KRT7: variants seen among roughly 807,000 people sequenced by gnomAD.
KRT7 encodes keratin, type II cytoskeletal 7.
Under a neutral mutation model 42.8 loss-of-function variants are expected in KRT7, and 50 were observed. The ratio of observed to expected loss-of-function variants is 1.17; its 90% CI spans 0.93 to 1.48. KRT7 has a LOEUF of 1.48. Among genes scored for constraint, KRT7 ranks in the 40% most tolerant of loss-of-function variants. KRT7 has a pLI of 0.00. For synonymous variants in KRT7, 268 were observed against 266.3 expected, an observed-to-expected ratio of 1.01 and a Z score of -0.06; for missense variants, 588 against 637.6, an observed-to-expected ratio of 0.92 and a Z score of 0.84.
Position 52,248,089 on chromosome 12 carries a change from G to T in KRT7, c.1206-88G>T. On this transcript the variant is annotated intron_variant, in intron 7 of 8. Transcript: ENST00000331817. ...GCAAGAAGGAAAAATCAATGATCCT[G>T]CTTGGGGCCTGGAAGGAGAGAGGGC... The T allele has an allele frequency of 3.2e-6, 4 of 1,259,514 alleles. No homozygotes were observed. The South Asian group carries it at 4.8e-5, about 15-fold the overall frequency. The allele number at this position is 1,259,514 out of a possible 1,614,324, so 78.0% of individuals were successfully genotyped here.
chr12:52,255,481 A>T (rs1399774688), downstream of KRT7: 1 of 453,788 alleles, frequency 2.2e-6, no homozygotes, highest in Non-Finnish European at 4.4e-6. Context: ...AGGCAAACAC[A>T]TTCCGGGAAC....
chr12:52,245,335 C>T (rs927920897), intron 6 of KRT7, 77 bp from the exon 7 acceptor site: 18 of 1,471,656 alleles, frequency 1.2e-5, no homozygotes, highest in Middle Eastern at 2.1e-4. Context: ...GCAAGTTGCC[C>T]GGGTGCTCAC....
intron 4 of KRT7, among the ~76,000 whole-genome samples, chr12:52,239,868 T>C (rs1942061122): frequency 6.6e-6 from 1 of 152,170 alleles, no homozygotes; most frequent in South Asian, 2.1e-4. Flanking sequence ...TTCAAGGGGA[T>C]TTAAAAATCT....
chr12:52,245,147 G>A (rs1374712297), intron 6 of KRT7: 1 of 554,920 alleles, frequency 1.8e-6, no homozygotes, highest in East Asian at 3.1e-5. Flanking sequence ...ATCTCCTGAT[G>A]TTCTCTTAGA....
intron 8 of KRT7, 151 bp from the exon 9 acceptor site, chr12:52,248,440 C>T (rs1433114531): frequency 3.4e-6 from 3 of 894,670 alleles, no homozygotes; most frequent in Admixed American, 5.2e-5. Context: ...CAGCCCTACC[C>T]CTGTCAGATG....
intron 8 of KRT7, 141 bp from the exon 9 acceptor site, chr12:52,248,450 G>T: frequency 1.1e-6 from 1 of 941,520 alleles, no homozygotes. Context: ...CCTGTCAGAT[G>T]CTCCTTCTGG....
intron 7 of KRT7, among the ~76,000 whole-genome samples, chr12:52,246,969 C>T (rs1320384874): frequency 6.6e-6 from 1 of 152,162 alleles, no homozygotes; most frequent in Admixed American, 6.5e-5. Context: ...GAGACATCCT[C>T]TTCTGAAAGC....
At chr12:52,249,918 C>T, downstream of KRT7, among the ~76,000 whole-genome samples, 1 of 152,094 alleles carries the variant, frequency 6.6e-6, no homozygotes, top group Non-Finnish European at 1.5e-5. Context: ...ATGGGGTTCC[C>T]ACCCAAGGTG....
chr12:52,234,230 T>C (rs935482938), intron 1 of KRT7, among the ~76,000 whole-genome samples: 3 of 150,968 alleles, frequency 2.0e-5, no homozygotes, highest in Non-Finnish European at 4.4e-5. Flanking sequence ...GACAGCCCAG[T>C]TGGGGGCAGG....
intron 4 of KRT7, 72 bp downstream of exon 4, chr12:52,238,847 C>T (rs1335687877): frequency 1.1e-5 from 11 of 958,786 alleles, no homozygotes; most frequent in Admixed American, 8.9e-5. Context: ...GGTCCAGCCC[C>T]CCGCCTCTGT....
downstream of KRT7, chr12:52,252,107 G>T: frequency 2.0e-6 from 2 of 999,640 alleles, no homozygotes; most frequent in South Asian, 2.7e-5. Flanking sequence ...GAGCAAAGCT[G>T]GTGAAATCTG....
In KRT7 at chr12:52,233,337, C is replaced by T; in HGVS notation, c.41C>T (p.Ser14Leu). The change falls in exon 1 of 9, where the codon TCA becomes TTA. Residue 14 changes from serine to leucine, a missense_variant. Ser to Leu is a moderately radical substitution (Grantham distance 145). Coordinates refer to ENST00000331817, the MANE Select transcript of KRT7 (RefSeq NM_005556.4). ...HFSSPVFTSRSAAFSGRGAQV... is the reference protein window; with the variant it reads ...HFSSPVFTSRLAAFSGRGAQV... ...AGCTCCCCGGTATTCACCTCGCGCT[C>T]AGCCGCCTTCTCGGGCCGCGGCGCC... is the stretch of plus-strand genomic sequence containing the variant. 1 of 1,571,340 alleles carries T rather than the reference C, an allele frequency of 6.4e-7. No individual in the cohort carries two copies. The highest frequency in any genetic ancestry group is 8.6e-7 in the Non-Finnish European group (1 of 1,164,170).
At chr12:52,255,511 C>A, downstream of KRT7, 3 of 441,286 alleles carry the variant, frequency 6.8e-6, no homozygotes, top group Admixed American at 4.9e-5. Context: ...TGGAGGTGGT[C>A]ACAAGAATCA....
intron 5 of KRT7, 56 bp downstream of exon 5, chr12:52,241,692 C>A: frequency 6.8e-7 from 1 of 1,479,118 alleles, no homozygotes; most frequent in Non-Finnish European, 9.2e-7. Context: ...TGGCAGCTTC[C>A]CTTACTCCTC....
At chr12:52,253,425 G>C, downstream of KRT7, 2 of 1,568,198 alleles carry the variant, frequency 1.3e-6, no homozygotes, top group Non-Finnish European at 1.8e-6. Context: ...GTTGTGCAGT[G>C]CTCAGCCTGT....
intron 6 of KRT7, 93 bp downstream of exon 6, chr12:52,243,230 AT>A: frequency 6.9e-7 from 1 of 1,439,634 alleles, no homozygotes; most frequent in Non-Finnish European, 9.3e-7. Context: ...GGAGGTTCCC[AT>A]CTCCCGGCCA....
chr12:52,241,428 T>C, intron 4 of KRT7, 44 bp from the exon 5 acceptor site: 1 of 1,510,392 alleles, frequency 6.6e-7, no homozygotes. Flanking sequence ...GGCGTGGGCA[T>C]AGGATCCTGC....
downstream of KRT7, chr12:52,252,462 G>T (rs778604829): frequency 6.2e-7 from 1 of 1,614,026 alleles, no homozygotes; most frequent in Non-Finnish European, 8.5e-7. Flanking sequence ...CTGGGCCACC[G>T]CGGCCTCCAG....
intron 6 of KRT7, chr12:52,244,441 C>T: frequency 3.0e-6 from 3 of 985,806 alleles, no homozygotes; most frequent in Non-Finnish European, 2.4e-6. Context: ...CAAGGGGTCT[C>T]CAGAGGCAGC....
Sources: gnomAD v4.1 joint callset for allele counts (sites outside exome capture counted in the v4.1 genomes callset) on GRCh38, gnomAD v4.1.1 for gene constraint, MANE v1.5 for transcripts, NCBI Gene and HGNC (gene_info 2026-07-23, HGNC 2026-07-21) for gene names.